The following HSPA9 variants were observed in gnomAD, a reference collection of about 807,000 sequenced individuals.
HSPA9 encodes heat shock protein family A (Hsp70) member 9, also known as stress-70 protein, mitochondrial.
In HSPA9, 28 loss-of-function variants were observed where a neutral mutation model predicts 81.5. That is an observed-to-expected ratio of 0.34 (90% CI 0.25 to 0.47). The LOEUF (loss-of-function observed/expected upper bound fraction) is 0.47. Ranked by LOEUF, HSPA9 falls within the 20% of genes least tolerant of loss-of-function variation. The pLI, the probability that HSPA9 is intolerant of heterozygous loss-of-function variation, is 1.00. For missense variants in HSPA9, 678 were observed against 838.0 expected (o/e 0.81, Z 2.36); for synonymous variants, 293 against 290.4 (o/e 1.01, Z -0.09).
intron 9 of HSPA9, 67 bp downstream of exon 9, chr5:138,566,559 C>T: frequency 1.8e-6 from 2 of 1,108,778 alleles, no homozygotes; most frequent in Non-Finnish European, 2.8e-6. Flanking sequence ...TTAGAAAATA[C>T]TATTTATTTT....
In HSPA9 at chr5:138,561,676, A is replaced by G; in HGVS notation, c.1086T>C (p.Thr362=). 6.2e-7 allele frequency: 1 copy of G among 1,614,182 alleles called. No individual in the cohort carries two copies. The highest frequency in any genetic ancestry group is 2.2e-5 in the East Asian group (1 of 44,878). The part of the protein sequence containing the change: ...EGIVTDLIRR[T]IAPCQKAMQD... ...GCATAGCTTTTTGGCATGGAGCGATAGTCCTTCTGATTAGATCAGTGACAA... is the reference window on the plus strand; with the variant it reads ...GCATAGCTTTTTGGCATGGAGCGATGGTCCTTCTGATTAGATCAGTGACAA... The change falls in exon 10 of 17, where the codon ACT becomes ACC. Residue 362 remains threonine (T), a synonymous_variant. Coordinates refer to ENST00000297185, the MANE Select transcript of HSPA9 (RefSeq NM_004134.7).
chr5:138,558,786 A>G, intron 11 of HSPA9, 129 bp from the exon 12 acceptor site: 1 of 702,552 alleles, frequency 1.4e-6, no homozygotes, highest in African/African-American at 1.8e-5. Context: ...TTCAGAACAA[A>G]GGCTGATGTC....
chr5:138,569,689 A>G (rs1272013266), intron 4 of HSPA9, among the ~76,000 whole-genome samples: 2 of 152,194 alleles, frequency 1.3e-5, no homozygotes, highest in African/African-American at 4.8e-5. Flanking sequence ...AGCTCAATAA[A>G]GCTGTTTAAA....
At chr5:138,568,300 A>G (rs1332077519) in intron 5 of HSPA9, among the ~76,000 whole-genome samples, 1 of 151,988 alleles carries the variant, frequency 6.6e-6, no homozygotes, top group Admixed American at 6.6e-5. Flanking sequence ...GGAGTTGGAG[A>G]CCAGCCTGAC....
chr5:138,564,838 A>G (rs1750730708), intron 9 of HSPA9, among the ~76,000 whole-genome samples: 2 of 152,220 alleles, frequency 1.3e-5, no homozygotes. Context: ...TGTTTTGTAG[A>G]TAAGTAACAG....
intron 4 of HSPA9, among the ~76,000 whole-genome samples, chr5:138,569,393 G>A (rs1750830167): frequency 6.6e-6 from 1 of 152,166 alleles, no homozygotes; most frequent in Admixed American, 6.5e-5. Context: ...TACTCTCTAA[G>A]ACAAATGGAA....
intron 5 of HSPA9, 68 bp downstream of exon 5, chr5:138,568,848 TGGAGCACAG>T: frequency 6.7e-7 from 1 of 1,484,172 alleles, no homozygotes; most frequent in Non-Finnish European, 9.4e-7. Flanking sequence ...CTACAGGAGC[TGGAGCACAG>T]GGAGCTAGTG....
chr5:138,572,449 C>G (rs1382562348), intron 3 of HSPA9, among the ~76,000 whole-genome samples: 1 of 152,130 alleles, frequency 6.6e-6, no homozygotes, highest in Non-Finnish European at 1.5e-5. Flanking sequence ...TAAATTGAAA[C>G]AAAGTTGGGT....
chr5:138,562,069 G>C (rs1750672994), intron 9 of HSPA9, among the ~76,000 whole-genome samples: 1 of 151,574 alleles, frequency 6.6e-6, no homozygotes, highest in Non-Finnish European at 1.5e-5. Context: ...CTCCCAAGTA[G>C]CTGGGACTAC....
intron 12 of HSPA9, 76 bp downstream of exon 12, chr5:138,558,476 TA>T: frequency 1.0e-6 from 1 of 991,298 alleles, no homozygotes; most frequent in Non-Finnish European, 1.6e-6. Flanking sequence ...CAGTTTATAC[TA>T]ATATTTTTAT....
Position 138,559,923 on chromosome 5 carries a change from C to T in HSPA9, c.1351G>A (p.Gly451Arg). 6.2e-7 allele frequency: 1 copy of T among 1,614,060 alleles called. No homozygotes were observed. The highest frequency in any genetic ancestry group is 8.5e-7 in the Non-Finnish European group (1 of 1,179,996). The part of the protein sequence containing the change: ...TPLSLGIETL[G>R]GVFTKLINRN... ...TTAATAAGTTTGGTAAAGACACCTC[C>T]TAGAGTTTCAATACCCAGAGACAGG... Residue 451 changes from glycine to arginine, a missense_variant, in exon 11 of 17, where the codon GGA (glycine) becomes AGA (arginine). By Grantham distance (125) the Gly-to-Arg change is moderately radical. Coordinates refer to ENST00000297185, the MANE Select transcript of HSPA9 (RefSeq NM_004134.7).
intron 1 of HSPA9, chr5:138,574,702 A>T (rs1165964043): frequency 6.1e-6 from 1 of 162,706 alleles, no homozygotes; most frequent in African/African-American, 2.4e-5. Flanking sequence ...ACAAGTAACC[A>T]CTCCATAGCC....
At position 138,561,196 on chromosome 5, in the gene HSPA9, G is replaced by A. The variant is rs1324250761; in HGVS notation, c.1182+384C>T. On this transcript the variant is annotated intron_variant, in intron 10 of 16. Transcript: ENST00000297185. The stretch of plus-strand genomic sequence containing the variant: ...GGGCGGGGTATTACCAAGGTTTTAT[G>A]TTCCCCTCTGACCTCAAACTTTGTT... 9.8e-6 allele frequency: 4 copies of A among 409,926 alleles called. No homozygotes were observed. The East Asian group carries it at 2.9e-4, about 30-fold the overall frequency. 25.4% of individuals were successfully genotyped at this position (409,926 alleles called of 1,614,324 possible).
intron 1 of HSPA9, chr5:138,574,918 C>T (rs1751052477): frequency 2.2e-6 from 1 of 462,844 alleles, no homozygotes; most frequent in Non-Finnish European, 3.9e-6. Flanking sequence ...TAGTGGCTTT[C>T]CCAATAGACT....
intron 9 of HSPA9, 47 bp from the exon 10 acceptor site, chr5:138,561,836 C>T (rs747588797): frequency 9.9e-6 from 14 of 1,409,248 alleles, no homozygotes; most frequent in Middle Eastern, 3.5e-4. Flanking sequence ...GGCCAAATGA[C>T]GGTTACATTT....
rs1019749684 is a variant in HSPA9, at chr5:138,559,868, C to T, written c.1406G>A (p.Ser469Asn). 1.2e-6 allele frequency: 2 copies of T among 1,605,492 alleles called. No individual in the cohort carries two copies. Among genetic ancestry groups the T allele is most frequent in the Non-Finnish European group, 8.5e-7 (1 of 1,172,144 alleles). ...GTAGGAAGTGATGGCTCTTACCTGG[C>T]TCTTCTTGGTTGGAATAGTGGTATT... ...NRNTTIPTKK[S>N]QVFSTAADGQ... The change falls in exon 11 of 17, where the codon AGC becomes AAC. Residue 469 changes from serine to asparagine, a missense_variant. Around this residue, in one of 4 missense-constraint regions of HSPA9, gnomAD observed 484 missense variants for 647.5 expected, o/e 0.75. Coordinates refer to ENST00000297185, the MANE Select transcript of HSPA9 (RefSeq NM_004134.7).
rs1248315315 is a variant in HSPA9, at chr5:138,560,016, C to T, written c.1258G>A (p.Gly420Arg). 1 of 1,614,052 alleles carries T rather than the reference C, an allele frequency of 6.2e-7. No individual in the cohort carries two copies. The highest frequency in any genetic ancestry group is 8.5e-7 in the Non-Finnish European group (1 of 1,180,030). ...AVNPDEAVAI[G>R]AAIQGGVLAG... ...AACACACCTCCCTGAATGGCAGCTC[C>T]AATGGCCACAGCCTCATCAGGATTG... The change falls in exon 11 of 17, where the codon GGA (glycine) becomes AGA (arginine). Residue 420 changes from glycine to arginine, a missense_variant. Gly to Arg is a moderately radical substitution (Grantham distance 125). Coordinates refer to ENST00000297185, the MANE Select transcript of HSPA9 (RefSeq NM_004134.7).
At chr5:138,571,184 A>C (rs1189327031) in intron 3 of HSPA9, 43 bp from the exon 4 acceptor site, 1 of 1,593,910 alleles carries the variant, frequency 6.3e-7, no homozygotes. Context: ...TGTAGTTATC[A>C]CTGGTATGTT....
rs533650368 is a variant in HSPA9, at chr5:138,558,420, T to C, written c.1515+133A>G. 17 of 724,476 alleles carry C rather than the reference T, an allele frequency of 2.3e-5. No homozygotes were observed. The African/African-American group carries it at 2.6e-4, about 11-fold the overall frequency. 44.9% of individuals were successfully genotyped at this position (724,476 alleles called of 1,614,324 possible). On this transcript the variant is annotated intron_variant, in intron 12 of 16. Coordinates refer to ENST00000297185, the MANE Select transcript of HSPA9 (RefSeq NM_004134.7). ...AAAACTGATGCCATGGGTATCTAGT[T>C]GCATCCCTTCTTCTCAAGACTACTC... is the stretch of plus-strand genomic sequence containing the variant.
Sources: gnomAD v4.1 joint callset for allele counts (sites outside exome capture counted in the v4.1 genomes callset) on GRCh38, gnomAD v4.1.1 for gene constraint, gnomAD v4.1.1 regional missense constraint, MANE v1.5 for transcripts, NCBI Gene and HGNC (gene_info 2026-07-23, HGNC 2026-07-21) for gene names.